PPP3CA: variants seen among roughly 807,000 people sequenced by gnomAD.
The protein encoded by PPP3CA is CAM-PRP catalytic subunit.
In PPP3CA, 14 loss-of-function variants were observed where a neutral mutation model predicts 66.5. The ratio of observed to expected loss-of-function variants is 0.21; its 90% CI spans 0.14 to 0.33. The LOEUF (loss-of-function observed/expected upper bound fraction) is 0.33, where lower values mean the gene tolerates loss of function less well. PPP3CA is among the 10% of genes least tolerant of loss of function. The probability of loss-of-function intolerance (pLI) is 1.00; values close to 1 mark genes in which losing one functional copy is unlikely to be tolerated. For synonymous variants in PPP3CA, 232 were observed against 226.2 expected (o/e 1.03, Z -0.23); for missense variants, 317 against 639.5 (o/e 0.50, Z 5.44).
intron 8 of PPP3CA, among the ~76,000 whole-genome samples, chr4:101,072,935 C>CAA (rs71596318): frequency 0.037 from 2,166 of 59,160 alleles, 76 homozygotes; most frequent in African/African-American, 0.11. Context: ...GACTCCTTCT[C>CAA]AAAAAAAAAA....
intron 1 of PPP3CA, among the ~76,000 whole-genome samples, chr4:101,204,413 G>A (rs1277563590): frequency 6.6e-6 from 1 of 152,108 alleles, no homozygotes; most frequent in Non-Finnish European, 1.5e-5. Context: ...CAAGCGGGCG[G>A]ATCACGAGGT....
intron 2 of PPP3CA, among the ~76,000 whole-genome samples, chr4:101,189,684 C>T (rs1205341557): frequency 2.7e-4 from 27 of 98,814 alleles, no homozygotes; most frequent in Non-Finnish European, 3.5e-4. Context: ...TGATAGTGAA[C>T]GGCAAAAAAA....
chr4:101,089,252 G>GA (rs1228306906), intron 6 of PPP3CA, among the ~76,000 whole-genome samples: 18 of 149,192 alleles, frequency 1.2e-4, no homozygotes, highest in African/African-American at 4.3e-4. Context: ...GCAGAAGAAA[G>GA]ACAAAAAAAA....
chr4:101,301,313 G>T (rs1352856893), intron 1 of PPP3CA, among the ~76,000 whole-genome samples: 1 of 150,716 alleles, frequency 6.6e-6, no homozygotes, highest in Non-Finnish European at 1.5e-5. Flanking sequence ...CTAAATATTA[G>T]GCCCTCCCTA....
At chr4:101,193,755 C>T (rs905430551) in intron 2 of PPP3CA, among the ~76,000 whole-genome samples, 3 of 151,414 alleles carry the variant, frequency 2.0e-5, no homozygotes, top group Non-Finnish European at 4.4e-5. Flanking sequence ...GTCTTATGAA[C>T]ACTTGAAGAG....
chr4:101,080,545 T>C lies in PPP3CA; in HGVS notation c.942A>G (p.Val314=). ...TIFSAPNYLD[V]YNNKAAVLKY... ...AAAAACACTTACCTTTGTTATTGTA[T>C]ACATCTAAGTAATTTGGTGCTGAAA... Residue 314 remains valine, a synonymous_variant, in exon 8 of 14, where the codon GTA becomes GTG. Coordinates refer to ENST00000394854, the MANE Select transcript of PPP3CA (RefSeq NM_000944.5). 1 of 1,498,886 alleles carries C rather than the reference T, an allele frequency of 6.7e-7. No individual in the cohort carries two copies. The highest frequency in any genetic ancestry group is 9.0e-7 in the Non-Finnish European group (1 of 1,105,024). 92.8% of individuals were successfully genotyped at this position (1,498,886 alleles called of 1,614,324 possible). A position where few individuals can be genotyped will look rare whatever the true frequency, so the allele number is the denominator to read the frequency against.
At chr4:101,140,832 C>CT (rs1293467879) in intron 2 of PPP3CA, among the ~76,000 whole-genome samples, 1 of 152,126 alleles carries the variant, frequency 6.6e-6, no homozygotes, top group Non-Finnish European at 1.5e-5. Context: ...ACACTCATTT[C>CT]TTTGAGTCAC....
intron 2 of PPP3CA, among the ~76,000 whole-genome samples, chr4:101,114,204 T>G (rs1721769729): frequency 6.6e-6 from 1 of 152,130 alleles, no homozygotes; most frequent in Non-Finnish European, 1.5e-5. Flanking sequence ...TCCAAAAATT[T>G]TATTATGTCT....
chr4:101,129,335 C>T (rs958216893), intron 2 of PPP3CA, among the ~76,000 whole-genome samples: 13 of 152,276 alleles, frequency 8.5e-5, no homozygotes, highest in African/African-American at 2.4e-4. Context: ...TAGACTTAAA[C>T]GTTCCTGTCT....
At chr4:101,090,144 T>G (rs144448798) in intron 6 of PPP3CA, among the ~76,000 whole-genome samples, 1 of 152,184 alleles carries the variant, frequency 6.6e-6, no homozygotes, top group Non-Finnish European at 1.5e-5. Flanking sequence ...TCCCAGAGGA[T>G]GCCTTCATAC....
At chr4:101,228,068 A>G (rs554857107) in intron 1 of PPP3CA, among the ~76,000 whole-genome samples, 5 of 151,864 alleles carry the variant, frequency 3.3e-5, no homozygotes, top group Admixed American at 6.6e-5. Flanking sequence ...GATGGAATAA[A>G]GTTAAGTTCT....
chr4:101,068,995 G>A (rs1728797919), intron 8 of PPP3CA, among the ~76,000 whole-genome samples: 1 of 152,004 alleles, frequency 6.6e-6, no homozygotes. Context: ...CCTAATATAG[G>A]GTCTTTCACA....
intron 1 of PPP3CA, among the ~76,000 whole-genome samples, chr4:101,217,012 T>C (rs1403056100): frequency 6.6e-6 from 1 of 152,136 alleles, no homozygotes; most frequent in African/African-American, 2.4e-5. Flanking sequence ...AAAATAAAAA[T>C]GTTCAAAAAA....
chr4:101,085,523 A>G (rs941886819), intron 6 of PPP3CA, among the ~76,000 whole-genome samples: 1 of 152,222 alleles, frequency 6.6e-6, no homozygotes, highest in Non-Finnish European at 1.5e-5. Flanking sequence ...TGCTAGGTTA[A>G]CAGCATTAAG....
At chr4:101,144,187 T>G (rs957182585) in intron 2 of PPP3CA, among the ~76,000 whole-genome samples, 9 of 152,238 alleles carry the variant, frequency 5.9e-5, no homozygotes, top group Non-Finnish European at 1.2e-4. Context: ...CCTCCAGCAC[T>G]AACTTCAGAT....
At chr4:101,167,827 G>A (rs1723741414) in intron 2 of PPP3CA, among the ~76,000 whole-genome samples, 1 of 152,216 alleles carries the variant, frequency 6.6e-6, no homozygotes. Flanking sequence ...AAAGAGAAGG[G>A]AAGCCAGAGG....
chr4:101,191,588 T>C (rs1724604017), intron 2 of PPP3CA, among the ~76,000 whole-genome samples: 1 of 152,110 alleles, frequency 6.6e-6, no homozygotes, highest in Non-Finnish European at 1.5e-5. Flanking sequence ...AGACAAAATA[T>C]TTTATCTCCA....
chr4:101,192,162 CTTTA>C (rs1724627866), intron 2 of PPP3CA, among the ~76,000 whole-genome samples: 1 of 152,150 alleles, frequency 6.6e-6, no homozygotes, highest in Non-Finnish European at 1.5e-5. Flanking sequence ...TTCAAGAAGA[CTTTA>C]AGAGATATTA....
intron 1 of PPP3CA, among the ~76,000 whole-genome samples, chr4:101,341,144 G>A (rs1426093275): frequency 1.3e-5 from 2 of 151,058 alleles, no homozygotes; most frequent in Non-Finnish European, 2.9e-5. Flanking sequence ...AACAAAATGC[G>A]AAATGAAATG....
Sources: allele counts gnomAD v4.1 joint callset (sites outside exome capture counted in the v4.1 genomes callset), GRCh38; gene constraint gnomAD v4.1.1; transcripts MANE v1.5; gene names NCBI Gene and HGNC (gene_info 2026-07-23, HGNC 2026-07-21).